DCAF1: variants seen among roughly 807,000 people sequenced by gnomAD.
DCAF1 encodes DDB1- and CUL4-associated factor 1.
A neutral mutation model predicts 128.0 loss-of-function variants in DCAF1; 15 were observed. That is an observed-to-expected ratio of 0.12 (90% CI 0.08 to 0.18). The LOEUF (loss-of-function observed/expected upper bound fraction) is 0.18, where lower values mean the gene tolerates loss of function less well. Ranked by LOEUF, DCAF1 falls within the 10% of genes least tolerant of loss-of-function variation. The pLI is 1.00. For synonymous variants in DCAF1, 610 were observed against 603.0 expected (o/e 1.01, Z -0.17); for missense variants, 988 against 1,649.5 (o/e 0.60, Z 6.95).
intron 2 of DCAF1, among the ~76,000 whole-genome samples, chr3:51,488,532 C>T (rs559817861): frequency 6.6e-6 from 1 of 152,096 alleles, no homozygotes; most frequent in East Asian, 1.9e-4. Flanking sequence ...AAAAATTAGG[C>T]CTGGCACGGT....
chr3:51,502,788 A>G (rs782571380), upstream of DCAF1, among the ~76,000 whole-genome samples: 3 of 151,922 alleles, frequency 2.0e-5, no homozygotes, highest in African/African-American at 4.8e-5. Context: ...CCTCCCCAAC[A>G]TGCACATAGC....
chr3:51,498,376 GAAA>G (rs1175129153), intron 1 of DCAF1, among the ~76,000 whole-genome samples: 1 of 77,848 alleles, frequency 1.3e-5, no homozygotes, highest in African/African-American at 4.8e-5. Flanking sequence ...AAAGAAAAAA[GAAA>G]AAAAAAAAAA....
chr3:51,420,331 G>C lies in DCAF1; in HGVS notation c.2639C>G (p.Ala880Gly). 6.2e-7 allele frequency: 1 copy of C among 1,614,026 alleles called. No individual in the cohort carries two copies. The highest frequency in any genetic ancestry group is 8.5e-7 in the Non-Finnish European group (1 of 1,179,894). The change falls in exon 15 of 25, where the codon GCT becomes GGT. Residue 880 changes from alanine (A) to glycine (G), a missense_variant. Physicochemically the swap from Ala to Gly is moderately conservative, Grantham distance 60 (BLOSUM62 0). This residue lies in a region of DCAF1 where 88 missense variants were observed against 107.7 expected (regional missense o/e 0.82). Transcript: ENST00000684031. The surrounding 1 kb of genome is among the most constrained non-coding windows in gnomAD (Gnocchi z 6.5). ...GGTAAAGGCAGAAGAATGGGAGGCA[G>C]CAGTCATGGGCAGGTCAGCCTCTTT... ...LTKEADLPMT[A>G]ASHSSAFTPV...
At chr3:51,467,332 G>A (rs574605599) in intron 4 of DCAF1, among the ~76,000 whole-genome samples, 35 of 151,686 alleles carry the variant, frequency 2.3e-4, no homozygotes, top group African/African-American at 7.0e-4. Flanking sequence ...ACTCCGTCTC[G>A]AAAAAAATAA....
intron 22 of DCAF1, 99 bp downstream of exon 22, chr3:51,412,894 G>C (rs1698558103): frequency 7.9e-6 from 12 of 1,525,106 alleles, no homozygotes; most frequent in Non-Finnish European, 1.1e-5. Context: ...GGAATGTATT[G>C]ACTTTACATC....
At chr3:51,489,782 T>C (rs1553657013) in intron 2 of DCAF1, among the ~76,000 whole-genome samples, 2 of 145,778 alleles carry the variant, frequency 1.4e-5, no homozygotes, top group African/African-American at 5.1e-5. Context: ...TAAGACTCTG[T>C]CTCAAAAAAA....
intron 24 of DCAF1, among the ~76,000 whole-genome samples, chr3:51,400,428 T>TCTGC (rs2089580063): frequency 6.6e-6 from 1 of 152,216 alleles, no homozygotes; most frequent in African/African-American, 2.4e-5. Flanking sequence ...CTGAGACCCT[T>TCTGC]CTGCCCAGCA....
chr3:51,498,408 T>A (rs1169211680), intron 1 of DCAF1, among the ~76,000 whole-genome samples: 2 of 148,774 alleles, frequency 1.3e-5, no homozygotes, highest in East Asian at 3.9e-4. Flanking sequence ...ATCACACCAC[T>A]GCACTCCAGC....
rs1553630525 is a variant in DCAF1 at position 51,416,792 on chromosome 3, C to T, written c.3598G>A (p.Ala1200Thr). 6.2e-7 allele frequency: 1 copy of T among 1,610,032 alleles called. No homozygotes were observed. The highest frequency in any genetic ancestry group is 8.5e-7 in the Non-Finnish European group (1 of 1,178,166). Residue 1200 changes from alanine (A) to threonine (T), a missense_variant, in exon 18 of 25, where the codon GCC (alanine) becomes ACC (threonine). Physicochemically the swap from Ala to Thr is moderately conservative, Grantham distance 58. Around this residue, in one of 11 missense-constraint regions of DCAF1, gnomAD observed 61 missense variants for 78.3 expected, o/e 0.78. Transcript: ENST00000684031. ...DRVIGTKGDI[A>T]HIYDIQTGNK... is the part of the protein sequence containing the mutation. ...AGTGGTTCTTAAGTACTTACGTGGG[C>T]AATGTCTCCTTTTGTGCCGATGACC... is the stretch of plus-strand genomic sequence containing the variant.
At chr3:51,456,651 G>A (rs1206784472) in intron 6 of DCAF1, among the ~76,000 whole-genome samples, 1 of 152,180 alleles carries the variant, frequency 6.6e-6, no homozygotes, top group African/African-American at 2.4e-5. Context: ...AGCCTAACTG[G>A]GAGGCACCCC....
intron 6 of DCAF1, among the ~76,000 whole-genome samples, chr3:51,450,799 C>T (rs1352104876): frequency 1.3e-5 from 2 of 152,024 alleles, no homozygotes; most frequent in East Asian, 1.9e-4. Context: ...CCACTTTTGC[C>T]ACTTCTATTA....
intron 6 of DCAF1, among the ~76,000 whole-genome samples, chr3:51,447,696 C>T (rs1553640549): frequency 2.0e-5 from 3 of 152,142 alleles, no homozygotes; most frequent in Admixed American, 6.5e-5. Context: ...GCCTGTAATT[C>T]CAGCACTTCG....
At chr3:51,488,577 C>T (rs1415561985) in intron 2 of DCAF1, among the ~76,000 whole-genome samples, 1 of 152,012 alleles carries the variant, frequency 6.6e-6, no homozygotes, top group Non-Finnish European at 1.5e-5. Context: ...CCAAGGCAGG[C>T]AGATCACCTG....
At chr3:51,489,778 T>C (rs1359627860) in intron 2 of DCAF1, among the ~76,000 whole-genome samples, 4 of 147,954 alleles carry the variant, frequency 2.7e-5, no homozygotes, top group Admixed American at 1.4e-4. Context: ...CAGGTAAGAC[T>C]CTGTCTCAAA....
At chr3:51,491,824 G>A (rs894609433) in intron 2 of DCAF1, among the ~76,000 whole-genome samples, 7 of 151,802 alleles carry the variant, frequency 4.6e-5, no homozygotes, top group South Asian at 4.2e-4. Flanking sequence ...CAGCCTGGGC[G>A]ACAGAGCAAG....
rs1168853626 is a variant in DCAF1 at position 51,420,945 on chromosome 3, A to C, written c.2025T>G (p.Ala675=). The C allele has an allele frequency of 6.2e-7, 1 of 1,613,918 alleles. No homozygotes were observed. Among genetic ancestry groups the C allele is most frequent in the Non-Finnish European group, 8.5e-7 (1 of 1,179,900 alleles). The change falls in exon 15 of 25, where the codon GCT becomes GCG. Residue 675 remains alanine, a synonymous_variant. Coordinates refer to ENST00000684031, the MANE Select transcript of DCAF1 (RefSeq NM_001387579.1). The surrounding 1 kb of genome is among the most constrained non-coding windows in gnomAD (Gnocchi z 6.5). ...TCTGAAGTGCTGACTTCTGAATTTC[A>C]GCATCATGGATGAAGAACTCACCCT... ...VAEGEFFIHD[A]EIQKSALQII...
intron 11 of DCAF1, among the ~76,000 whole-genome samples, 169 bp downstream of exon 11, chr3:51,429,860 TAAAG>T (rs1334716944): frequency 1.4e-5 from 2 of 146,800 alleles, no homozygotes; most frequent in African/African-American, 5.0e-5. Context: ...CTCTAACTAC[TAAAG>T]AAAAAGAGAA....
At chr3:51,399,736 T>G (rs1553624320) in intron 24 of DCAF1, among the ~76,000 whole-genome samples, 1 of 152,162 alleles carries the variant, frequency 6.6e-6, no homozygotes, top group African/African-American at 2.4e-5. Flanking sequence ...AGGAAAGTTC[T>G]CAGTGCCCAA....
At chr3:51,447,013 TA>T (rs1701939566) in intron 6 of DCAF1, among the ~76,000 whole-genome samples, 1 of 96,160 alleles carries the variant, frequency 1.0e-5, no homozygotes, top group African/African-American at 3.8e-5. Flanking sequence ...ATGTTTTAAA[TA>T]TTTTTTAAAA....
Sources: allele counts gnomAD v4.1 joint callset (sites outside exome capture counted in the v4.1 genomes callset), GRCh38; gene constraint gnomAD v4.1.1; regional missense constraint gnomAD v4.1.1; non-coding constraint Gnocchi (gnomAD v3.1); transcripts MANE v1.5; gene names NCBI Gene and HGNC (gene_info 2026-07-23, HGNC 2026-07-21).